Variants in PHACTR1 observed in about 807,000 individuals in gnomAD.
The protein encoded by PHACTR1 is RPEL repeat containing 1.
PHACTR1 carries 16 observed loss-of-function variants against 69.2 expected under a neutral mutation model. The ratio of observed to expected loss-of-function variants is 0.23; its 90% CI spans 0.16 to 0.35. PHACTR1 has a LOEUF of 0.35. Ranked by LOEUF, PHACTR1 falls within the 10% of genes least tolerant of loss-of-function variation. PHACTR1 has a pLI of 1.00. For missense variants in PHACTR1, 510 were observed against 734.7 expected (o/e 0.69, Z 3.54); for synonymous variants, 312 against 284.5 (o/e 1.10, Z -0.97).
At chr6:13,193,712 A>T (rs1264649809) in intron 7 of PHACTR1, among the ~76,000 whole-genome samples, 1 of 151,960 alleles carries the variant, frequency 6.6e-6, no homozygotes, top group East Asian at 1.9e-4. Flanking sequence ...ATATGATCTC[A>T]ATTTACTTTC....
chr6:13,159,941 GA>G lies in PHACTR1; in HGVS notation c.416-253del, dbSNP rs949970072. ...GGCAACAGAGTGAGACTCTGTCTCA[GA>G]AAAAAAAAAGAATGCCTACCCTGTC... On this transcript the variant is annotated intron_variant, in intron 5 of 14. Coordinates refer to ENST00000332995, the MANE Select transcript of PHACTR1 (RefSeq NM_030948.6). Among the ~76,000 whole-genome samples the G allele has an allele frequency of 6.5e-4, 96 of 147,286 alleles. 1 individual carries two copies. In the East Asian group the frequency reaches 0.014, roughly 22 times the overall value.
intron 5 of PHACTR1, among the ~76,000 whole-genome samples, chr6:13,062,537 T>C (rs1039218777): frequency 6.6e-6 from 1 of 152,172 alleles, no homozygotes; most frequent in Admixed American, 6.6e-5. Context: ...ATAAAACTCC[T>C]TGGATAGTCA....
intron 4 of PHACTR1, among the ~76,000 whole-genome samples, chr6:12,871,025 A>G (rs1781974126): frequency 6.6e-6 from 1 of 152,214 alleles, no homozygotes; most frequent in Non-Finnish European, 1.5e-5. Context: ...GAAGTAATCT[A>G]AGAGACTCTT....
intron 4 of PHACTR1, among the ~76,000 whole-genome samples, chr6:13,050,525 C>T (rs1472220790): frequency 1.3e-5 from 2 of 152,150 alleles, no homozygotes; most frequent in East Asian, 3.9e-4. Flanking sequence ...TTCCTAAGAA[C>T]CATGTTTCAT....
chr6:12,990,803 G>C lies in PHACTR1; in HGVS notation c.251-62562G>C, dbSNP rs1796734036. On this transcript the variant is annotated intron_variant, in intron 4 of 14. Transcript: ENST00000332995. ...TTAAGCAGTGGAAGTGGCTCTCAGA[G>C]AATCAGGAGCTGGAGAGGGGATGGT... Among the ~76,000 whole-genome samples, 5 of 152,174 alleles carry C rather than the reference G, an allele frequency of 3.3e-5. No homozygotes were observed. The South Asian group carries it at 1.0e-3, about 32-fold the overall frequency.
At chr6:12,814,929 A>G (rs62389221) in intron 4 of PHACTR1, among the ~76,000 whole-genome samples, 12,305 of 152,204 alleles carry the variant, frequency 0.081, 527 homozygotes, top group Middle Eastern at 0.12. Flanking sequence ...CTTCAAGTGA[A>G]TTGAGCACAG....
chr6:12,733,369 C>T (rs1027280077), intron 3 of PHACTR1, among the ~76,000 whole-genome samples: 1 of 152,164 alleles, frequency 6.6e-6, no homozygotes, highest in Non-Finnish European at 1.5e-5. Flanking sequence ...TTTGAAACTA[C>T]AAACCTATGA....
chr6:12,957,133 G>A (rs974008706), intron 4 of PHACTR1, among the ~76,000 whole-genome samples: 1 of 151,894 alleles, frequency 6.6e-6, no homozygotes, highest in Admixed American at 6.6e-5. Flanking sequence ...GTGGTTTTCC[G>A]ATCAGCGATC....
intron 5 of PHACTR1, among the ~76,000 whole-genome samples, chr6:13,142,877 T>G (rs1399563209): frequency 6.6e-6 from 1 of 151,800 alleles, no homozygotes; most frequent in African/African-American, 2.4e-5. Flanking sequence ...AATGAACAAA[T>G]TGTATTGGTA....
intron 6 of PHACTR1, among the ~76,000 whole-genome samples, chr6:13,178,824 T>C (rs1272210583): frequency 1.3e-5 from 2 of 152,232 alleles, no homozygotes; most frequent in Non-Finnish European, 2.9e-5. Flanking sequence ...GGTGATGACC[T>C]AGCTAGATGG....
At chr6:13,206,172 A>C (rs1340783844) in intron 8 of PHACTR1, 36 bp downstream of exon 8, 1 of 1,504,986 alleles carries the variant, frequency 6.6e-7, no homozygotes, top group Admixed American at 2.0e-5. Flanking sequence ...ACGGGAGGAG[A>C]GGGGTTGGCT....
At chr6:13,195,733 G>A (rs1269576470) in intron 7 of PHACTR1, among the ~76,000 whole-genome samples, 4 of 99,544 alleles carry the variant, frequency 4.0e-5, no homozygotes, top group African/African-American at 1.4e-4. Context: ...ACTCCAGCCT[G>A]GGCGACAGAG....
intron 4 of PHACTR1, among the ~76,000 whole-genome samples, chr6:12,903,182 T>C (rs1561995616): frequency 6.6e-6 from 1 of 152,130 alleles, no homozygotes; most frequent in African/African-American, 2.4e-5. Flanking sequence ...CTCAGTTTCC[T>C]TATTTATAAG....
chr6:13,251,924 A>G (rs1401362580), intron 10 of PHACTR1, among the ~76,000 whole-genome samples: 1 of 151,956 alleles, frequency 6.6e-6, no homozygotes, highest in African/African-American at 2.4e-5. Context: ...GCATGGTGGC[A>G]CACACCTATA....
chr6:12,897,290 T>A (rs1784758674), intron 4 of PHACTR1, among the ~76,000 whole-genome samples: 1 of 152,136 alleles, frequency 6.6e-6, no homozygotes, highest in Admixed American at 6.5e-5. Flanking sequence ...AGTCAAATAA[T>A]CCCATAGAAA....
intron 4 of PHACTR1, among the ~76,000 whole-genome samples, chr6:12,919,940 G>C (rs943105462): frequency 6.6e-6 from 1 of 152,106 alleles, no homozygotes; most frequent in East Asian, 1.9e-4. Flanking sequence ...ACACATTACT[G>C]CTTGTGTAAC....
At chr6:13,177,781 G>T (rs1761597400) in intron 6 of PHACTR1, among the ~76,000 whole-genome samples, 1 of 152,192 alleles carries the variant, frequency 6.6e-6, no homozygotes, top group African/African-American at 2.4e-5. Flanking sequence ...GCAGGCTGGG[G>T]TATGGGTAAG....
intron 4 of PHACTR1, among the ~76,000 whole-genome samples, chr6:12,875,471 C>G (rs574397597): frequency 2.0e-5 from 3 of 152,296 alleles, no homozygotes; most frequent in Non-Finnish European, 4.4e-5. Context: ...TGAGCAGAAC[C>G]AAGAGTCAGC....
chr6:12,740,587 T>G (rs1764904865), intron 3 of PHACTR1, among the ~76,000 whole-genome samples: 1 of 152,190 alleles, frequency 6.6e-6, no homozygotes, highest in Non-Finnish European at 1.5e-5. Context: ...AAAATTGAGT[T>G]GAGCTATCTT....
Sources: gnomAD v4.1 joint callset for allele counts (sites outside exome capture counted in the v4.1 genomes callset) on GRCh38, gnomAD v4.1.1 for gene constraint, MANE v1.5 for transcripts, NCBI Gene and HGNC (gene_info 2026-07-23, HGNC 2026-07-21) for gene names.